The following NAAA variants were observed in gnomAD, a reference collection of about 807,000 sequenced individuals.
NAAA encodes N-acylethanolamine acid amidase.
NAAA carries 39 observed loss-of-function variants against 44.8 expected under a neutral mutation model. The observed-to-expected ratio is 0.87, with a 90% CI of 0.67 to 1.14. The LOEUF (loss-of-function observed/expected upper bound fraction) is 1.14, where lower values mean the gene tolerates loss of function less well. Ranked by LOEUF, NAAA falls within the 50% of genes most tolerant of loss-of-function variation. The pLI, the probability that NAAA is intolerant of heterozygous loss-of-function variation, is 0.00. For missense variants in NAAA, 460 were observed against 467.8 expected (o/e 0.98, Z 0.15); for synonymous variants, 178 against 191.3 (o/e 0.93, Z 0.58).
chr4:75,936,993 T>C (rs1727780202), intron 2 of NAAA, among the ~76,000 whole-genome samples: 1 of 152,258 alleles, frequency 6.6e-6, no homozygotes, highest in Admixed American at 6.5e-5. Context: ...TTTCTGGTCA[T>C]TTTTTAATAA....
intron 3 of NAAA, chr4:75,935,492 T>C (rs1044825798): frequency 5.3e-5 from 8 of 152,352 alleles, no homozygotes; most frequent in African/African-American, 1.9e-4. Flanking sequence ...GATCTAAGTA[T>C]AATTTTTTAA....
At chr4:75,921,922 C>T (rs1726205242) in intron 5 of NAAA, among the ~76,000 whole-genome samples, 1 of 152,142 alleles carries the variant, frequency 6.6e-6, no homozygotes, top group South Asian at 2.1e-4. Context: ...GGGGATCACT[C>T]CCCAAATCTT....
At chr4:75,938,503 C>A (rs1310020486) in intron 2 of NAAA, among the ~76,000 whole-genome samples, 1 of 152,108 alleles carries the variant, frequency 6.6e-6, no homozygotes, top group Non-Finnish European at 1.5e-5. Context: ...ATTTAGCAGG[C>A]CTGTGTCTTT....
At chr4:75,933,350 C>T (rs559028051) in intron 3 of NAAA, among the ~76,000 whole-genome samples, 6 of 152,032 alleles carry the variant, frequency 3.9e-5, no homozygotes, top group African/African-American at 1.4e-4. Flanking sequence ...AATGCAGTGT[C>T]CTTAGCTTTA....
intron 2 of NAAA, chr4:75,939,598 G>A: frequency 6.0e-6 from 1 of 165,782 alleles, no homozygotes; most frequent in South Asian, 1.6e-4. Context: ...TGTGTTTTTC[G>A]TAGAGACGGG....
chr4:75,928,973 T>C (rs924781601), intron 4 of NAAA, among the ~76,000 whole-genome samples: 6 of 151,070 alleles, frequency 4.0e-5, no homozygotes, highest in East Asian at 1.9e-4. Context: ...TTTTTTTTTT[T>C]AGTAGAGACG....
chr4:75,923,687 C>G (rs1049583053), intron 5 of NAAA, among the ~76,000 whole-genome samples: 3 of 151,826 alleles, frequency 2.0e-5, no homozygotes, highest in African/African-American at 7.3e-5. Flanking sequence ...TTACAGACAC[C>G]CGCCACTACA....
At chr4:75,932,288 A>C (rs1727298198) in intron 3 of NAAA, among the ~76,000 whole-genome samples, 1 of 152,248 alleles carries the variant, frequency 6.6e-6, no homozygotes, top group Non-Finnish European at 1.5e-5. Context: ...GATGAATATC[A>C]CATATTTTAT....
chr4:75,922,154 A>G (rs1431067157), intron 5 of NAAA, among the ~76,000 whole-genome samples: 2 of 152,172 alleles, frequency 1.3e-5, no homozygotes, highest in African/African-American at 2.4e-5. Flanking sequence ...TGGTGTCTGC[A>G]AAGGCTCCGT....
At chr4:75,936,013 C>T in intron 3 of NAAA, 96 bp downstream of exon 3, 1 of 1,468,236 alleles carries the variant, frequency 6.8e-7, no homozygotes. Context: ...GTGTCTTACA[C>T]TGATAACACA....
intron 5 of NAAA, among the ~76,000 whole-genome samples, chr4:75,922,808 A>G (rs1419306121): frequency 6.6e-6 from 1 of 152,202 alleles, no homozygotes; most frequent in Non-Finnish European, 1.5e-5. Flanking sequence ...AGGAGTGATG[A>G]AATATTTGTT....
At chr4:75,937,984 T>C (rs747910412) in intron 2 of NAAA, among the ~76,000 whole-genome samples, 3 of 152,188 alleles carry the variant, frequency 2.0e-5, no homozygotes, top group Admixed American at 1.3e-4. Flanking sequence ...GGGAGACAAA[T>C]GAGGAAACAG....
chr4:75,930,779 A>C (rs574323248), intron 4 of NAAA, among the ~76,000 whole-genome samples: 1 of 152,214 alleles, frequency 6.6e-6, no homozygotes, highest in Admixed American at 6.5e-5. Context: ...TTCACTTCTA[A>C]TGTCACTACC....
chr4:75,928,679 C>T (rs1456010718), intron 4 of NAAA, among the ~76,000 whole-genome samples: 2 of 152,066 alleles, frequency 1.3e-5, no homozygotes, highest in Non-Finnish European at 2.9e-5. Context: ...CCTGGAGATG[C>T]AACAACAACA....
intron 8 of NAAA, chr4:75,919,628 G>A (rs1420096679): frequency 1.8e-5 from 9 of 510,382 alleles, no homozygotes; most frequent in Middle Eastern, 5.1e-4. Context: ...ACAGGCACCC[G>A]CCACTACACC....
chr4:75,917,198 T>A (rs1725708288), intron 9 of NAAA: 5 of 551,506 alleles, frequency 9.1e-6, no homozygotes, highest in Middle Eastern at 9.0e-4. Flanking sequence ...CTATGAAGGG[T>A]ACAGTCAATA....
intron 1 of NAAA, 32 bp from the exon 2 acceptor site, chr4:75,940,197 C>G (rs1421558268): frequency 6.3e-7 from 1 of 1,597,432 alleles, no homozygotes; most frequent in African/African-American, 1.3e-5. Flanking sequence ...GCGTCTGACC[C>G]GCTCAGAGGT....
At chr4:75,916,414 AG>A (rs1725630508) in intron 9 of NAAA, 1 of 152,340 alleles carries the variant, frequency 6.6e-6, no homozygotes, top group Non-Finnish European at 1.5e-5. Flanking sequence ...TATACAACAG[AG>A]AAAAACACTA....
In NAAA at chr4:75,931,199, G is replaced by A. The variant is rs775309186; in HGVS notation, c.589+15C>T. 1.2e-6 allele frequency: 2 copies of A among 1,605,070 alleles called. No individual in the cohort carries two copies. The highest frequency in any genetic ancestry group is 1.1e-5 in the South Asian group (1 of 90,668). ...ATAATGTAGCTAAAATTACACAGGG[G>A]TTTGTTTTGATTACCTCGTTCATCA... On this transcript the variant is annotated intron_variant, in intron 4 of 10. Coordinates refer to ENST00000286733, the MANE Select transcript of NAAA (RefSeq NM_014435.4).
Sources: allele counts gnomAD v4.1 joint callset (sites outside exome capture counted in the v4.1 genomes callset), GRCh38; gene constraint gnomAD v4.1.1; transcripts MANE v1.5; gene names NCBI Gene and HGNC (gene_info 2026-07-23, HGNC 2026-07-21).